Variants in DPYD observed in about 807,000 individuals in gnomAD.
DPYD encodes the protein dihydropyrimidine dehydrogenase, also known as dihydropyrimidine dehydrogenase [NADP(+)].
In DPYD, 109 loss-of-function variants were observed where a neutral mutation model predicts 116.2. The observed-to-expected ratio is 0.94, with a 90% CI of 0.80 to 1.10. The LOEUF (loss-of-function observed/expected upper bound fraction) is 1.10, where lower values mean the gene tolerates loss of function less well. Ranked by LOEUF, DPYD falls within the 50% of genes least tolerant of loss-of-function variation. The pLI is 0.00. For missense variants in DPYD, 1,302 were observed against 1,254.5 expected (o/e 1.04, Z -0.57); for synonymous variants, 440 against 432.0 (o/e 1.02, Z -0.23).
intron 3 of DPYD, among the ~76,000 whole-genome samples, chr1:97,796,159 G>A (rs1218975182): frequency 2.6e-5 from 4 of 151,860 alleles, no homozygotes; most frequent in African/African-American, 9.7e-5. Context: ...AACTTTTATT[G>A]TACAGTTTAA....
intron 12 of DPYD, among the ~76,000 whole-genome samples, chr1:97,528,186 T>C (rs781247086): frequency 5.9e-5 from 9 of 152,130 alleles, no homozygotes; most frequent in Non-Finnish European, 7.4e-5. Flanking sequence ...GGATTAGCTG[T>C]TTCCATGATG....
chr1:97,406,390 T>TTTTA (rs199696412), intron 14 of DPYD, among the ~76,000 whole-genome samples: 2 of 150,174 alleles, frequency 1.3e-5, no homozygotes, highest in Non-Finnish European at 3.0e-5. Flanking sequence ...CATCAGGAAT[T>TTTTA]TTTATTTATT....
chr1:97,466,694 C>G (rs985231013), intron 13 of DPYD, among the ~76,000 whole-genome samples: 1 of 152,022 alleles, frequency 6.6e-6, no homozygotes. Flanking sequence ...TATGTGACCA[C>G]GCTATTTTGG....
intron 2 of DPYD, among the ~76,000 whole-genome samples, chr1:97,835,679 T>C (rs576079975): frequency 5.1e-4 from 77 of 152,292 alleles, no homozygotes; most frequent in South Asian, 2.1e-3. Flanking sequence ...TATGGTTATA[T>C]TTTGATTGAG....
chr1:97,809,918 C>A (rs1262812953), intron 3 of DPYD, among the ~76,000 whole-genome samples: 1 of 152,016 alleles, frequency 6.6e-6, no homozygotes, highest in East Asian at 1.9e-4. Context: ...TAGGTGTCTA[C>A]AGGAAGGATG....
At chr1:97,110,930 G>T (rs1651546124) in intron 20 of DPYD, among the ~76,000 whole-genome samples, 1 of 151,946 alleles carries the variant, frequency 6.6e-6, no homozygotes, top group Admixed American at 6.6e-5. Context: ...GCACTTCATA[G>T]GCTGAGGCGG....
chr1:97,535,471 G>A (rs543888517), intron 12 of DPYD, among the ~76,000 whole-genome samples: 2 of 152,156 alleles, frequency 1.3e-5, no homozygotes, highest in African/African-American at 4.8e-5. Context: ...ATGAACTAAG[G>A]TTAGATTCCC....
At chr1:97,751,259 T>A (rs1178338026) in intron 3 of DPYD, among the ~76,000 whole-genome samples, 15 of 150,510 alleles carry the variant, frequency 1.0e-4, no homozygotes, top group Non-Finnish European at 1.6e-4. Context: ...GGACACATAC[T>A]TCATGGAGAG....
At chr1:97,671,300 C>A (rs1659846823) in intron 8 of DPYD, among the ~76,000 whole-genome samples, 1 of 152,002 alleles carries the variant, frequency 6.6e-6, no homozygotes, top group Admixed American at 6.6e-5. Flanking sequence ...TTCCTTATAT[C>A]ATCATCTTCA....
chr1:97,423,326 G>T (rs374742649), intron 14 of DPYD, among the ~76,000 whole-genome samples: 7 of 152,010 alleles, frequency 4.6e-5, no homozygotes, highest in African/African-American at 1.7e-4. Context: ...CTCATTTTCT[G>T]TCTGGTTCAT....
At chr1:97,905,063 C>A (rs1446852415) in intron 1 of DPYD, among the ~76,000 whole-genome samples, 1 of 151,954 alleles carries the variant, frequency 6.6e-6, no homozygotes, top group East Asian at 1.9e-4. Context: ...TGGAAGTATA[C>A]TATTTTAGAA....
At chr1:97,465,071 C>T (rs968021199) in intron 13 of DPYD, among the ~76,000 whole-genome samples, 2 of 152,188 alleles carry the variant, frequency 1.3e-5, no homozygotes, top group South Asian at 2.1e-4. Flanking sequence ...ACCTGGATGT[C>T]GGACATGCAG....
At chr1:97,730,372 C>T (rs573981350) in intron 4 of DPYD, among the ~76,000 whole-genome samples, 2 of 152,156 alleles carry the variant, frequency 1.3e-5, no homozygotes, top group East Asian at 1.9e-4. Context: ...TAGGCATGCA[C>T]CATCACGCCC....
intron 10 of DPYD, among the ~76,000 whole-genome samples, chr1:97,582,850 C>T (rs1255445203): frequency 1.3e-5 from 2 of 152,142 alleles, no homozygotes; most frequent in Non-Finnish European, 2.9e-5. Flanking sequence ...TTTATTGTGT[C>T]ACTATTGTGC....
chr1:97,135,907 A>G (rs1369022247), intron 20 of DPYD, among the ~76,000 whole-genome samples: 1 of 152,190 alleles, frequency 6.6e-6, no homozygotes, highest in Non-Finnish European at 1.5e-5. Flanking sequence ...AAATTCCTCT[A>G]CAATGGACTA....
chr1:97,488,189 A>C (rs1028428186), intron 13 of DPYD, among the ~76,000 whole-genome samples: 3 of 152,168 alleles, frequency 2.0e-5, no homozygotes, highest in Non-Finnish European at 4.4e-5. Flanking sequence ...AAAAGATTAC[A>C]CTTGTATAAA....
intron 18 of DPYD, among the ~76,000 whole-genome samples, chr1:97,258,461 C>G (rs1204414205): frequency 6.6e-6 from 1 of 152,140 alleles, no homozygotes; most frequent in African/African-American, 2.4e-5. Flanking sequence ...TGCACACTTT[C>G]TAGGAGTTCA....
At chr1:97,832,420 T>C (rs148610610) in intron 2 of DPYD, among the ~76,000 whole-genome samples, 23 of 152,210 alleles carry the variant, frequency 1.5e-4, no homozygotes, top group African/African-American at 5.1e-4. Context: ...CTGAGCTGGA[T>C]GGAAAATAGT....
intron 20 of DPYD, among the ~76,000 whole-genome samples, chr1:97,124,918 A>G (rs946173956): frequency 1.3e-5 from 2 of 152,134 alleles, no homozygotes; most frequent in African/African-American, 4.8e-5. Flanking sequence ...GGGAAGTTAG[A>G]GAGTACGTAC....
Sources: gnomAD v4.1 joint callset for allele counts (sites outside exome capture counted in the v4.1 genomes callset) on GRCh38, gnomAD v4.1.1 for gene constraint, MANE v1.5 for transcripts, NCBI Gene and HGNC (gene_info 2026-07-23, HGNC 2026-07-21) for gene names.